Variants in RFX8 observed in about 807,000 individuals in gnomAD.
RFX8 encodes DNA-binding protein RFX8.
In RFX8, 46 loss-of-function variants were observed where a neutral mutation model predicts 54.6. That is an observed-to-expected ratio of 0.84 (90% CI 0.67 to 1.08). RFX8 has a LOEUF of 1.08. Ranked by LOEUF, RFX8 falls within the 50% of genes least tolerant of loss-of-function variation. The pLI, the probability that RFX8 is intolerant of heterozygous loss-of-function variation, is 0.00. For missense variants in RFX8, 536 were observed against 562.3 expected, an observed-to-expected ratio of 0.95 and a Z score of 0.47; for synonymous variants, 192 against 209.5, an observed-to-expected ratio of 0.92 and a Z score of 0.72.
intron 1 of RFX8, among the ~76,000 whole-genome samples, chr2:101,472,167 C>T (rs1468566404): frequency 6.6e-6 from 1 of 152,196 alleles, no homozygotes; most frequent in African/African-American, 2.4e-5. Flanking sequence ...GTGGCGCAAT[C>T]TTGGTTCACT....
At chr2:101,432,435 T>C (rs1687539411) in intron 2 of RFX8, among the ~76,000 whole-genome samples, 1 of 152,162 alleles carries the variant, frequency 6.6e-6, no homozygotes, top group Admixed American at 6.5e-5. Context: ...GGCTTTCGTC[T>C]GGCAGGCAAG....
At chr2:101,465,488 G>A (rs1220163631) in intron 2 of RFX8, among the ~76,000 whole-genome samples, 1 of 152,014 alleles carries the variant, frequency 6.6e-6, no homozygotes, top group African/African-American at 2.4e-5. Flanking sequence ...TCAGCCTGGC[G>A]ACAGGGCAAG....
intron 2 of RFX8, among the ~76,000 whole-genome samples, chr2:101,458,615 C>T (rs1472782620): frequency 1.3e-5 from 2 of 152,178 alleles, no homozygotes; most frequent in South Asian, 2.1e-4. Flanking sequence ...GTGGGTAACT[C>T]GACCTTTCTC....
chr2:101,421,641 C>G, intron 4 of RFX8, 83 bp downstream of exon 4: 1 of 1,498,874 alleles, frequency 6.7e-7, no homozygotes, highest in East Asian at 2.5e-5. Context: ...GGGGTCTCTT[C>G]AAATAAAAAT....
rs1342154715 is a variant in RFX8, at chr2:101,469,078, AAGTG to A, written c.-52-2182_-52-2179del. Reference sequence around the variant, plus strand: ...TACGTATATATATGTATATATATATAAGTGTATATATATAAGTATATATATATAA... The same window carrying A: ...TACGTATATATATGTATATATATATATATATATATAAGTATATATATATAA... On this transcript the variant is annotated intron_variant, in intron 1 of 11. Coordinates refer to ENST00000428343, the MANE Select transcript of RFX8 (RefSeq NM_001145664.2). 9.1e-4 allele frequency among the ~76,000 whole-genome samples: 6 copies of A among 6,564 alleles called. 1 individual carries two copies. The highest frequency in any genetic ancestry group is 9.3e-3 in the South Asian group (2 of 216). The allele number at this position is 6,564 out of a possible 152,430, so 4.3% of individuals were successfully genotyped here.
chr2:101,438,914 C>T (rs1455246233), intron 2 of RFX8, among the ~76,000 whole-genome samples: 3 of 152,124 alleles, frequency 2.0e-5, no homozygotes, highest in South Asian at 2.1e-4. Context: ...TGGGTTCAAG[C>T]GATTCTCCTG....
At position 101,466,863 on chromosome 2, in the gene RFX8, C is replaced by A. The variant is rs578031705; in HGVS notation, c.-15G>T. ...ATCTCATACATGAGACAGCGAGGGA[C>A]GCTGCACTCTTCGCAAATGCAGAAG... On this transcript the variant is annotated 5_prime_UTR_variant, in exon 2 of 12. Transcript: ENST00000428343. 5 of 1,546,342 alleles carry A rather than the reference C, an allele frequency of 3.2e-6. No individual in the cohort carries two copies. The highest frequency in any genetic ancestry group is 4.4e-6 in the Non-Finnish European group (5 of 1,142,152).
At chr2:101,414,764 G>A in intron 7 of RFX8, 90 bp downstream of exon 7, 1 of 1,002,940 alleles carries the variant, frequency 1.0e-6, no homozygotes, top group Non-Finnish European at 1.5e-6. Context: ...GATGGACAGA[G>A]CAACCACTCA....
intron 2 of RFX8, among the ~76,000 whole-genome samples, chr2:101,430,569 C>T (rs1687430847): frequency 6.6e-6 from 1 of 152,138 alleles, no homozygotes; most frequent in Admixed American, 6.5e-5. Context: ...AGGAAGACAG[C>T]CCTCACCAGA....
At chr2:101,469,045 T>C (rs1251429352) in intron 1 of RFX8, among the ~76,000 whole-genome samples, 2 of 54,430 alleles carry the variant, frequency 3.7e-5, no homozygotes, top group Non-Finnish European at 7.6e-5. Flanking sequence ...TATATATGTA[T>C]ATATATATAC....
chr2:101,448,355 T>C (rs1688505003), intron 2 of RFX8, among the ~76,000 whole-genome samples: 1 of 152,192 alleles, frequency 6.6e-6, no homozygotes, highest in Admixed American at 6.5e-5. Flanking sequence ...TAGAGCTCCA[T>C]GCATGCCTGT....
intron 2 of RFX8, among the ~76,000 whole-genome samples, chr2:101,443,015 G>T (rs551302368): frequency 6.6e-6 from 1 of 152,304 alleles, no homozygotes; most frequent in East Asian, 1.9e-4. Flanking sequence ...AGGAAGGAAG[G>T]AGAGTATTTT....
chr2:101,446,849 C>T (rs1688413703), intron 2 of RFX8, among the ~76,000 whole-genome samples: 1 of 152,098 alleles, frequency 6.6e-6, no homozygotes, highest in Admixed American at 6.6e-5. Flanking sequence ...GATCTACACC[C>T]AGCCTTTCAG....
chr2:101,455,515 C>CA (rs1233571738), intron 2 of RFX8, among the ~76,000 whole-genome samples: 1 of 152,160 alleles, frequency 6.6e-6, no homozygotes, highest in African/African-American at 2.4e-5. Flanking sequence ...TGTCAAAGAT[C>CA]AGATGGTTGT....
intron 1 of RFX8, among the ~76,000 whole-genome samples, chr2:101,469,790 A>G (rs1010425608): frequency 6.6e-6 from 1 of 152,096 alleles, no homozygotes; most frequent in Non-Finnish European, 1.5e-5. Context: ...CCTGTTACCT[A>G]AGTGGAATAG....
chr2:101,453,066 C>T (rs1280295686), intron 2 of RFX8, among the ~76,000 whole-genome samples: 1 of 125,280 alleles, frequency 8.0e-6, no homozygotes, highest in East Asian at 2.2e-4. Context: ...GAGCCGAGAT[C>T]GCACCACTGC....
intron 2 of RFX8, among the ~76,000 whole-genome samples, chr2:101,450,160 C>A (rs1344100962): frequency 1.3e-5 from 2 of 152,092 alleles, no homozygotes; most frequent in Admixed American, 6.6e-5. Context: ...AAAGACAGAA[C>A]AACCAAAAAG....
At chr2:101,467,035 T>C in intron 1 of RFX8, 135 bp from the exon 2 acceptor site, 2 of 623,138 alleles carry the variant, frequency 3.2e-6, no homozygotes, top group Non-Finnish European at 5.7e-6. Flanking sequence ...GATGAATCCC[T>C]GCGAAGGCTC....
chr2:101,430,852 T>A (rs867200486), intron 2 of RFX8, among the ~76,000 whole-genome samples: 2 of 152,012 alleles, frequency 1.3e-5, no homozygotes, highest in African/African-American at 2.4e-5. Flanking sequence ...TAGAATGAAA[T>A]AAGACAGAAG....
Sources: gnomAD v4.1 joint callset for allele counts (sites outside exome capture counted in the v4.1 genomes callset) on GRCh38, gnomAD v4.1.1 for gene constraint, MANE v1.5 for transcripts, NCBI Gene and HGNC (gene_info 2026-07-23, HGNC 2026-07-21) for gene names.